The following PCDHGA2 variants were observed in gnomAD, a reference collection of about 807,000 sequenced individuals.
PCDHGA2 encodes the protein protocadherin gamma-A2.
Under a neutral mutation model 59.2 loss-of-function variants are expected in PCDHGA2, and 40 were observed. That is an observed-to-expected ratio of 0.68 (90% CI 0.52 to 0.88). PCDHGA2 has a LOEUF of 0.88. Ranked by LOEUF, PCDHGA2 falls within the 40% of genes least tolerant of loss-of-function variation. The pLI is 0.00. For missense variants in PCDHGA2, 1,226 were observed against 1,204.0 expected (o/e 1.02, Z -0.27); for synonymous variants, 560 against 526.0 (o/e 1.06, Z -0.89).
chr5:141,473,860 A>G (rs184722742), intron 1 of PCDHGA2, among the ~76,000 whole-genome samples: 409 of 152,318 alleles, frequency 2.7e-3, no homozygotes, highest in Middle Eastern at 6.8e-3. Context: ...GAACCTCGCT[A>G]TTGTGGAGAA....
rs143530538 is a variant in PCDHGA2 at position 141,490,323 on chromosome 5, G to A, written c.2425-4484G>A. 18 of 1,614,102 alleles carry A rather than the reference G, an allele frequency of 1.1e-5. No individual in the cohort carries two copies. Among genetic ancestry groups the A allele is most frequent in the Non-Finnish European group, 1.4e-5 (17 of 1,180,056 alleles). ...CCTCTTTGGCCAACCCTGTCCTAGA[G>A]AGCACACCAGTGGGCACAGTAGTGG... On this transcript the variant is annotated intron_variant, in intron 1 of 3. Transcript: ENST00000394576. This position sits in a 1 kb window ranked among gnomAD's most constrained non-coding sequence, Gnocchi z 5.4.
rs148279287 is a variant in PCDHGA2 at position 141,389,277 on chromosome 5, C to T, written c.2424+47882C>T. ...AGTCCACGTGGCCGAGAACAACCCG[C>T]CTGGAGCCTCTATTTCACAAGTCAG... On this transcript the variant is annotated intron_variant, in intron 1 of 3. Transcript: ENST00000394576. 7,343 of 1,614,014 alleles carry T rather than the reference C, an allele frequency of 4.5e-3. 34 individuals are homozygous for T. Among genetic ancestry groups the T allele is most frequent in the Middle Eastern group, 0.015 (93 of 6,062 alleles).
chr5:141,389,049 C>T, intron 1 of PCDHGA2: 7 of 1,613,880 alleles, frequency 4.3e-6, no homozygotes, highest in Non-Finnish European at 5.9e-6. Flanking sequence ...AGGTGATGTT[C>T]CATTTAAAAT....
At chr5:141,362,244 C>T (rs1380837904) in intron 1 of PCDHGA2, 4 of 1,613,944 alleles carry the variant, frequency 2.5e-6, no homozygotes, top group Admixed American at 3.3e-5. Context: ...CAGTGCTCTT[C>T]TTCCTCGCGG....
intron 1 of PCDHGA2, chr5:141,414,081 T>G: frequency 6.2e-7 from 1 of 1,601,774 alleles, no homozygotes; most frequent in Non-Finnish European, 8.5e-7. Context: ...ACAAATATAC[T>G]GGAGAAATAA....
chr5:141,340,270 C>A lies in PCDHGA2; in HGVS notation c.1299C>A (p.Ser433=). Residue 433 remains serine, a synonymous_variant, in exon 1 of 4, where the codon TCC becomes TCA. Transcript: ENST00000394576. ...TAKDGGNPSL[S]TDAHILLQVA... ...AAGATGGAGGGAACCCCTCCCTGTC[C>A]ACGGATGCTCACATTTTGCTCCAGG... is the stretch of plus-strand genomic sequence containing the variant. The A allele has an allele frequency of 6.2e-7, 1 of 1,614,130 alleles. No individual in the cohort carries two copies. The highest frequency in any genetic ancestry group is 2.2e-5 in the East Asian group (1 of 44,872).
At chr5:141,417,700 A>G in intron 1 of PCDHGA2, 1 of 1,180,094 alleles carries the variant, frequency 8.5e-7, no homozygotes, top group Admixed American at 3.0e-5. Flanking sequence ...ACCAGCTCCC[A>G]CACAGAGGCT....
At chr5:141,376,517 T>C (rs547172009) in intron 1 of PCDHGA2, 1 of 1,613,950 alleles carries the variant, frequency 6.2e-7, no homozygotes, top group East Asian at 2.2e-5. Flanking sequence ...GGTGAGTTTC[T>C]TTCCGCCTAA....
At chr5:141,352,354 C>T in intron 1 of PCDHGA2, 1 of 1,614,078 alleles carries the variant, frequency 6.2e-7, no homozygotes, top group Non-Finnish European at 8.5e-7. Flanking sequence ...TCTCAGTGCT[C>T]TTTCTCCTCG....
intron 1 of PCDHGA2, among the ~76,000 whole-genome samples, chr5:141,479,846 C>A (rs1350909064): frequency 1.3e-5 from 2 of 152,194 alleles, no homozygotes; most frequent in Admixed American, 6.5e-5. Context: ...TGCAAGGTGA[C>A]TGCAAGGCCT....
rs752825697 is a variant in PCDHGA2, at chr5:141,339,215, G to A, written c.244G>A (p.Gly82Ser). The change falls in exon 1 of 4, where the codon GGC (glycine) becomes AGC (serine). Residue 82 changes from glycine (G) to serine (S), a missense_variant. By Grantham distance (56) the Gly-to-Ser change is moderately conservative. Coordinates refer to ENST00000394576, the MANE Select transcript of PCDHGA2 (RefSeq NM_018915.4). ...GCTCTTTGCTCTGAACCCGCGAAGC[G>A]GCAGCTTGGTCACTGCGAACAGGAT... ...SQLFALNPRSGSLVTANRIDR... is the reference protein window; with the variant it reads ...SQLFALNPRSSSLVTANRIDR... 2.4e-5 allele frequency: 38 copies of A among 1,614,122 alleles called. No individual in the cohort carries two copies. The highest frequency in any genetic ancestry group is 3.1e-5 in the Non-Finnish European group (37 of 1,179,954).
chr5:141,395,074 C>G, intron 1 of PCDHGA2: 1 of 1,614,166 alleles, frequency 6.2e-7, no homozygotes, highest in East Asian at 2.2e-5. Flanking sequence ...CAGACCTATT[C>G]CCAGGAAGTC....
chr5:141,357,697 T>A, intron 1 of PCDHGA2: 6 of 1,523,702 alleles, frequency 3.9e-6, no homozygotes, highest in African/African-American at 1.4e-5. Flanking sequence ...TCATTTTATA[T>A]GTAATATATC....
intron 1 of PCDHGA2, among the ~76,000 whole-genome samples, chr5:141,453,479 A>G (rs1345415084): frequency 1.3e-5 from 2 of 152,082 alleles, no homozygotes; most frequent in Non-Finnish European, 2.9e-5. Context: ...AGTCAAAACT[A>G]TTAAAAAAAG....
At chr5:141,502,203 C>G (rs1562205141) in intron 2 of PCDHGA2, among the ~76,000 whole-genome samples, 1 of 152,122 alleles carries the variant, frequency 6.6e-6, no homozygotes. Context: ...ATAGAATCCA[C>G]CAGCAGATTT....
intron 1 of PCDHGA2, chr5:141,385,463 T>A: frequency 6.9e-7 from 1 of 1,443,350 alleles, no homozygotes; most frequent in Non-Finnish European, 9.1e-7. Flanking sequence ...TTTCCTTCAG[T>A]GGTGACACTT....
chr5:141,409,270 T>A (rs761773360), intron 1 of PCDHGA2: 6 of 1,613,996 alleles, frequency 3.7e-6, no homozygotes, highest in Non-Finnish European at 4.2e-6. Flanking sequence ...CTGATCAGAT[T>A]TTGGAGAATT....
chr5:141,421,535 G>A, intron 1 of PCDHGA2: 7 of 1,614,032 alleles, frequency 4.3e-6, no homozygotes, highest in East Asian at 2.2e-5. Flanking sequence ...GTGTCCTCCT[G>A]TTTTTTAAAT....
At chr5:141,422,849 C>G in intron 1 of PCDHGA2, 1 of 1,614,238 alleles carries the variant, frequency 6.2e-7, no homozygotes, top group East Asian at 2.2e-5. Flanking sequence ...AGCGGGGACC[C>G]GCCCCTCAGC....
Sources: allele counts gnomAD v4.1 joint callset (sites outside exome capture counted in the v4.1 genomes callset), GRCh38; gene constraint gnomAD v4.1.1; non-coding constraint Gnocchi (gnomAD v3.1); transcripts MANE v1.5; gene names NCBI Gene and HGNC (gene_info 2026-07-23, HGNC 2026-07-21).